Variants in GPR107 observed in about 807,000 individuals in gnomAD.
GPR107 encodes the protein G protein-coupled receptor 107, also known as protein GPR107.
A neutral mutation model predicts 75.5 loss-of-function variants in GPR107; 31 were observed. That is an observed-to-expected ratio of 0.41 (90% CI 0.31 to 0.55). The LOEUF is 0.55. Among genes scored for constraint, GPR107 ranks in the 20% least tolerant of loss-of-function variants. GPR107 has a pLI of 0.26. For missense variants in GPR107, 572 were observed against 665.7 expected (o/e 0.86, Z 1.55); for synonymous variants, 267 against 251.3 (o/e 1.06, Z -0.59).
intron 10 of GPR107, among the ~76,000 whole-genome samples, chr9:130,100,096 C>T (rs1321790133): frequency 6.6e-6 from 1 of 151,732 alleles, no homozygotes; most frequent in Admixed American, 6.6e-5. Context: ...GGGGTTTCAC[C>T]GTGTTAGCCA....
intron 14 of GPR107, among the ~76,000 whole-genome samples, chr9:130,116,643 G>C (rs914978382): frequency 2.4e-4 from 37 of 152,144 alleles, no homozygotes; most frequent in African/African-American, 8.7e-4. Flanking sequence ...TCTGAGATCA[G>C]CGTGGCCCTT....
intron 14 of GPR107, among the ~76,000 whole-genome samples, chr9:130,109,645 C>G (rs1831246643): frequency 1.3e-5 from 2 of 150,276 alleles, no homozygotes; most frequent in Non-Finnish European, 2.9e-5. Flanking sequence ...TCTCAGCTCA[C>G]TGCTACCTCT....
intron 1 of GPR107, among the ~76,000 whole-genome samples, chr9:130,057,978 G>A (rs141367478): frequency 3.3e-5 from 5 of 151,970 alleles, no homozygotes; most frequent in South Asian, 4.2e-4. Flanking sequence ...ATAGGCATGC[G>A]CCACCACGCC....
At chr9:130,131,162 G>A (rs1554899012) in intron 17 of GPR107, among the ~76,000 whole-genome samples, 3 of 152,174 alleles carry the variant, frequency 2.0e-5, no homozygotes, top group South Asian at 4.1e-4. Context: ...AAGCCCCACC[G>A]CCGTATGTTC....
chr9:130,056,817 C>T (rs1360267194), intron 1 of GPR107, among the ~76,000 whole-genome samples: 2 of 148,272 alleles, frequency 1.3e-5, no homozygotes, highest in African/African-American at 5.0e-5. Flanking sequence ...CTCAGCTACT[C>T]GGGAGGCTGA....
At chr9:130,109,567 CTTTCTTTTTTTTTTTT>C (rs1831242602) in intron 14 of GPR107, among the ~76,000 whole-genome samples, 1 of 26,234 alleles carries the variant, frequency 3.8e-5, no homozygotes, top group Non-Finnish European at 8.3e-5. Flanking sequence ...TAGTCTTTTT[CTTTCTTTTTTTTTTTT>C]TTTGGAGACG....
intron 5 of GPR107, chr9:130,083,292 G>C (rs898312729): frequency 7.2e-5 from 19 of 262,292 alleles, no homozygotes; most frequent in African/African-American, 3.5e-4. Context: ...TGGCCTCTCT[G>C]GCAATAACAT....
chr9:130,059,861 C>A (rs539227186), intron 1 of GPR107, among the ~76,000 whole-genome samples: 95 of 151,870 alleles, frequency 6.3e-4, no homozygotes, highest in African/African-American at 2.2e-3. Context: ...GCCTCGACCT[C>A]CTGAGTAGTT....
intron 14 of GPR107, among the ~76,000 whole-genome samples, chr9:130,109,567 CTTTCTT>C (rs1564678224): frequency 7.6e-4 from 20 of 26,206 alleles, no homozygotes; most frequent in East Asian, 3.4e-3. Context: ...TAGTCTTTTT[CTTTCTT>C]TTTTTTTTTT....
At chr9:130,054,445 G>C (rs934233047) in intron 1 of GPR107, among the ~76,000 whole-genome samples, 11 of 152,122 alleles carry the variant, frequency 7.2e-5, no homozygotes, top group African/African-American at 2.4e-4. Flanking sequence ...TTCCTTGTCC[G>C]CGGTCTCCGC....
intron 14 of GPR107, among the ~76,000 whole-genome samples, chr9:130,124,324 G>A (rs1831621347): frequency 6.6e-6 from 1 of 152,226 alleles, no homozygotes; most frequent in Non-Finnish European, 1.5e-5. Context: ...GAAGGTAGCT[G>A]TCCTGGCTCA....
intron 9 of GPR107, 38 bp downstream of exon 9, chr9:130,092,419 G>A (rs1830763463): frequency 6.4e-7 from 1 of 1,565,244 alleles, no homozygotes; most frequent in South Asian, 1.1e-5. Context: ...AGTGTGTTGA[G>A]ATTTGAATAA....
intron 14 of GPR107, among the ~76,000 whole-genome samples, chr9:130,119,863 C>T (rs548533117): frequency 1.3e-5 from 2 of 151,764 alleles, no homozygotes; most frequent in East Asian, 3.9e-4. Context: ...TTTACTGAGA[C>T]AGGTACTCAC....
intron 14 of GPR107, among the ~76,000 whole-genome samples, chr9:130,122,047 T>C (rs923711132): frequency 1.3e-5 from 2 of 152,020 alleles, no homozygotes; most frequent in African/African-American, 4.8e-5. Flanking sequence ...TCCGCCACCA[T>C]GCCCGGCTAA....
At position 130,137,322 on chromosome 9, in the gene GPR107, G is replaced by A. The variant is rs1211185137; in HGVS notation, c.*2201G>A. 2 of 152,362 alleles carry A rather than the reference G, an allele frequency of 1.3e-5. No homozygotes were observed. The highest frequency in any genetic ancestry group is 1.9e-4 in the East Asian group (1 of 5,200). 9.4% of individuals were successfully genotyped at this position (152,362 alleles called of 1,614,324 possible). A position where few individuals can be genotyped will look rare whatever the true frequency, so the allele number is the denominator to read the frequency against. On this transcript the variant is annotated 3_prime_UTR_variant, in exon 18 of 18. Coordinates refer to ENST00000347136, the MANE Select transcript of GPR107 (RefSeq NM_020960.5). The stretch of plus-strand genomic sequence containing the variant: ...GGAGCCGCAGCCCTCAGACTGGCAC[G>A]GGAACGCCAGCGTTGGGTGTTCAGA...
chr9:130,118,462 C>T (rs979452147), intron 14 of GPR107, among the ~76,000 whole-genome samples: 1 of 151,568 alleles, frequency 6.6e-6, no homozygotes, highest in Admixed American at 6.6e-5. Context: ...AGAGTATTGA[C>T]TTGGGCATTT....
intron 3 of GPR107, 59 bp from the exon 4 acceptor site, chr9:130,077,240 C>T (rs372888668): frequency 1.1e-6 from 1 of 908,560 alleles, no homozygotes; most frequent in Non-Finnish European, 1.9e-6. Flanking sequence ...CCTGAAAACT[C>T]TGTTCTTGTT....
chr9:130,105,307 G>A (rs1312935906), intron 13 of GPR107, among the ~76,000 whole-genome samples: 2 of 151,522 alleles, frequency 1.3e-5, no homozygotes, highest in Non-Finnish European at 2.9e-5. Flanking sequence ...AGGGTGGAGT[G>A]CAATGGCTCA....
chr9:130,069,933 T>G (rs1292304147), intron 1 of GPR107, among the ~76,000 whole-genome samples: 1 of 150,394 alleles, frequency 6.6e-6, no homozygotes, highest in Non-Finnish European at 1.5e-5. Context: ...TCTGCCCACC[T>G]TGGCCTCCCA....
Sources: gnomAD v4.1 joint callset for allele counts (sites outside exome capture counted in the v4.1 genomes callset) on GRCh38, gnomAD v4.1.1 for gene constraint, MANE v1.5 for transcripts, NCBI Gene and HGNC (gene_info 2026-07-23, HGNC 2026-07-21) for gene names.